PKHD1: variants seen among roughly 807,000 people sequenced by gnomAD.
PKHD1 encodes the protein fibrocystin.
In PKHD1, 291 loss-of-function variants were observed where a neutral mutation model predicts 412.0. That is an observed-to-expected ratio of 0.71 (90% CI 0.64 to 0.78). The LOEUF (loss-of-function observed/expected upper bound fraction) is 0.78, where lower values mean the gene tolerates loss of function less well. Among genes scored for constraint, PKHD1 ranks in the 30% least tolerant of loss-of-function variants. The pLI is 0.00. For synonymous variants in PKHD1, 1,777 were observed against 1,821.5 expected (o/e 0.98, Z 0.62); for missense variants, 4,825 against 4,950.7 (o/e 0.97, Z 0.76).
At position 51,618,716 on chromosome 6, in the gene PKHD1, A is replaced by C; in HGVS notation, c.*365T>G. 1 of 348,834 alleles carries C rather than the reference A, an allele frequency of 2.9e-6. No individual in the cohort carries two copies. Among genetic ancestry groups the C allele is most frequent in the Admixed American group, 4.3e-5 (1 of 23,420 alleles). The allele number at this position is 348,834 out of a possible 1,614,324, so 21.6% of individuals were successfully genotyped here. On this transcript the variant is annotated 3_prime_UTR_variant, in exon 67 of 67. Transcript: ENST00000371117. ...ATGATCCCTTCTATAAAAGAAGCTC[A>C]AAGCATTGTGGGTGGTCAATCCAGA...
Position 51,830,904 on chromosome 6 carries a change from G to T in PKHD1, c.8259C>A (p.Asn2753Lys). Reference sequence around the variant, plus strand: ...CATCCCCAGGGCCTGGAATGGTATTGTTGTATCCTCCCCAGCCTTCTTCAA... The same window carrying T: ...CATCCCCAGGGCCTGGAATGGTATTTTTGTATCCTCCCCAGCCTTCTTCAA... ...QGVEEGWGGY[N>K]NTIPGPGDDV... Residue 2753 changes from asparagine (N) to lysine (K), a missense_variant, in exon 52 of 67, where the codon AAC becomes AAA. By Grantham distance (94) the Asn-to-Lys change is moderately conservative. Coordinates refer to ENST00000371117, the MANE Select transcript of PKHD1 (RefSeq NM_138694.4). 2 of 1,612,794 alleles carry T rather than the reference G, an allele frequency of 1.2e-6. No homozygotes were observed. The highest frequency in any genetic ancestry group is 1.7e-6 in the Non-Finnish European group (2 of 1,179,052).
intron 37 of PKHD1, among the ~76,000 whole-genome samples, chr6:51,916,312 A>C (rs1197852566): frequency 1.3e-5 from 2 of 152,214 alleles, no homozygotes; most frequent in Non-Finnish European, 2.9e-5. Context: ...AAAAAAATAC[A>C]AACATTTATT....
chr6:51,671,337 C>T (rs1774934319), intron 60 of PKHD1, among the ~76,000 whole-genome samples: 2 of 152,228 alleles, frequency 1.3e-5, no homozygotes, highest in South Asian at 4.1e-4. Context: ...CAGTTGATCG[C>T]ATCAGCTCCT....
In PKHD1 at chr6:51,947,747, G is replaced by GT. The variant is rs766315738; in HGVS notation, c.5908+12122dup. On this transcript the variant is annotated intron_variant, in intron 36 of 66. Coordinates refer to ENST00000371117, the MANE Select transcript of PKHD1 (RefSeq NM_138694.4). ...GCCAGTTGTCCCATCTTGTCTTAAGGTTTTAAACACCATCGCACGCTAATT... is the reference window on the plus strand; with the variant it reads ...GCCAGTTGTCCCATCTTGTCTTAAGGTTTTTAAACACCATCGCACGCTAATT... Among the ~76,000 whole-genome samples the GT allele has an allele frequency of 1.3e-3, 204 of 152,134 alleles. 3 individuals carry two copies. Among genetic ancestry groups the GT allele is most frequent in the Admixed American group, 1.2e-3 (18 of 15,278 alleles).
At chr6:51,714,465 C>T (rs1781025416) in intron 60 of PKHD1, among the ~76,000 whole-genome samples, 1 of 152,152 alleles carries the variant, frequency 6.6e-6, no homozygotes, top group South Asian at 2.1e-4. Context: ...AAGTGCATGA[C>T]GGGCCAGATG....
chr6:52,006,065 C>G (rs1488642881), intron 35 of PKHD1, among the ~76,000 whole-genome samples: 1 of 150,752 alleles, frequency 6.6e-6, no homozygotes, highest in Admixed American at 6.6e-5. Context: ...CACATCAGGA[C>G]CTCAAATTAA....
At chr6:51,843,716 A>C (rs1007778649) in intron 50 of PKHD1, among the ~76,000 whole-genome samples, 1 of 152,228 alleles carries the variant, frequency 6.6e-6, no homozygotes, top group Admixed American at 6.5e-5. Context: ...ATTGTTTATC[A>C]CATCAAATAT....
At chr6:51,682,229 T>C (rs1194888159) in intron 60 of PKHD1, 2 of 455,988 alleles carry the variant, frequency 4.4e-6, no homozygotes, top group Admixed American at 4.7e-5. Context: ...AACTCTTCTT[T>C]TGTCCCCAGG....
chr6:52,011,562 A>G (rs1165394599), intron 34 of PKHD1, among the ~76,000 whole-genome samples: 1 of 152,234 alleles, frequency 6.6e-6, no homozygotes, highest in African/African-American at 2.4e-5. Flanking sequence ...GGAAGATGGC[A>G]GATCCCATGG....
At chr6:51,721,712 T>C (rs749448753) in intron 60 of PKHD1, 17 of 1,323,194 alleles carry the variant, frequency 1.3e-5, no homozygotes, top group Non-Finnish European at 1.6e-5. Flanking sequence ...CTACGGACAA[T>C]GGTGTCACTG....
At chr6:51,793,733 A>G (rs1215695464) in intron 52 of PKHD1, among the ~76,000 whole-genome samples, 10 of 152,330 alleles carry the variant, frequency 6.6e-5, no homozygotes, top group Admixed American at 1.3e-4. Context: ...ATAGTATTCC[A>G]TTGTATCTAT....
chr6:51,795,175 ATTTG>A (rs1487499494), intron 52 of PKHD1, among the ~76,000 whole-genome samples: 5 of 152,060 alleles, frequency 3.3e-5, no homozygotes, highest in Non-Finnish European at 7.4e-5. Flanking sequence ...ATATTTTTCC[ATTTG>A]TTTGTGTCAT....
intron 33 of PKHD1, 119 bp downstream of exon 33, chr6:52,022,682 T>A (rs1023342821): frequency 3.0e-6 from 3 of 997,626 alleles, no homozygotes; most frequent in African/African-American, 3.2e-5. Flanking sequence ...ATTCTTTTCC[T>A]AGGCACACAT....
intron 55 of PKHD1, among the ~76,000 whole-genome samples, chr6:51,770,603 T>C (rs2151122750): frequency 6.6e-6 from 1 of 151,912 alleles, no homozygotes; most frequent in East Asian, 1.9e-4. Context: ...TATACCTTTT[T>C]TGTTGCTTTT....
Position 51,739,237 on chromosome 6 carries a change from T to C in PKHD1, c.10156+5148A>G, listed in dbSNP as rs571453642. Among the ~76,000 whole-genome samples, 16 of 151,024 alleles carry C rather than the reference T, an allele frequency of 1.1e-4. No homozygotes were observed. In the East Asian group the frequency reaches 2.9e-3, roughly 28 times the overall value. On this transcript the variant is annotated intron_variant, in intron 60 of 66. Transcript: ENST00000371117. ...GTACATGTATTATATATATAATATA[T>C]ATAATTGTTTTAGAGACAGGTCTCA...
At chr6:51,806,066 C>T (rs1481282264) in intron 52 of PKHD1, among the ~76,000 whole-genome samples, 2 of 126,136 alleles carry the variant, frequency 1.6e-5, no homozygotes, top group Non-Finnish European at 3.2e-5. Context: ...AATTGCCACA[C>T]TGATGGGAGG....
At position 52,024,729 on chromosome 6, in the gene PKHD1, C is replaced by T. The variant is rs375803593; in HGVS notation, c.5081G>A (p.Gly1694Asp). 1.7e-5 allele frequency: 27 copies of T among 1,614,054 alleles called. No individual in the cohort carries two copies. The highest frequency in any genetic ancestry group is 2.2e-5 in the Non-Finnish European group (26 of 1,180,020). ...AAGAACGGTGTGGTTACCAGAGACACCCACACAGGGTGACATTCCTATAAA... is the reference window on the plus strand; with the variant it reads ...AAGAACGGTGTGGTTACCAGAGACATCCACACAGGGTGACATTCCTATAAA... ...DIFIGMSPCV[G>D]VSGNHTVLQC... is the part of the protein sequence containing the mutation. The change falls in exon 32 of 67, where the codon GGT (glycine) becomes GAT (aspartate). Residue 1694 changes from glycine (G) to aspartate (D), a missense_variant. Gly to Asp is a moderately conservative substitution (Grantham distance 94). Transcript: ENST00000371117.
At chr6:51,750,041 GC>G (rs922433951) in intron 57 of PKHD1, among the ~76,000 whole-genome samples, 3 of 152,120 alleles carry the variant, frequency 2.0e-5, no homozygotes, top group African/African-American at 7.2e-5. Flanking sequence ...AGGCAGTACA[GC>G]CTAAACCCCT....
chr6:52,019,351 C>T (rs1176769316), intron 33 of PKHD1, among the ~76,000 whole-genome samples: 3 of 152,162 alleles, frequency 2.0e-5, no homozygotes, highest in Non-Finnish European at 4.4e-5. Flanking sequence ...CCAAATAGTA[C>T]TATTGTTGCT....
Sources: allele counts gnomAD v4.1 joint callset (sites outside exome capture counted in the v4.1 genomes callset), GRCh38; gene constraint gnomAD v4.1.1; transcripts MANE v1.5; gene names NCBI Gene and HGNC (gene_info 2026-07-23, HGNC 2026-07-21).